Variants in NCOR2 observed in about 807,000 individuals in gnomAD.
NCOR2 encodes the protein CTG repeat protein 26.
Under a neutral mutation model 262.9 loss-of-function variants are expected in NCOR2, and 81 were observed. That is an observed-to-expected ratio of 0.31 (90% confidence interval 0.26 to 0.37). The LOEUF is 0.37. Among genes scored for constraint, NCOR2 ranks in the 10% least tolerant of loss-of-function variants. The pLI, the probability that NCOR2 is intolerant of heterozygous loss-of-function variation, is 1.00. For synonymous variants in NCOR2, 1,659 were observed against 1,559.3 expected (o/e 1.06, Z -1.51); for missense variants, 3,385 against 3,621.4 (o/e 0.93, Z 1.68).
intron 33 of NCOR2, among the ~76,000 whole-genome samples, chr12:124,342,530 C>A (rs192790588): frequency 6.6e-6 from 1 of 152,202 alleles, no homozygotes; most frequent in African/African-American, 2.4e-5. Flanking sequence ...CCACCACACC[C>A]GGCTAGTTTT....
chr12:124,344,655 G>C, exon 32 of NCOR2: 5 of 1,484,964 alleles, frequency 3.4e-6, no homozygotes, highest in Non-Finnish European at 4.5e-6. Context: ...GTGGGAGGTG[G>C]CCGGCAAAGG....
At chr12:124,501,038 C>T (rs1465303963) in intron 1 of NCOR2, among the ~76,000 whole-genome samples, 3 of 147,816 alleles carry the variant, frequency 2.0e-5, no homozygotes, top group Admixed American at 6.7e-5. Context: ...AGAGCGCCCA[C>T]GGCACGAGCG....
intron 4 of NCOR2, among the ~76,000 whole-genome samples, chr12:124,469,397 C>T (rs2046712432): frequency 6.6e-6 from 1 of 152,104 alleles, no homozygotes; most frequent in East Asian, 1.9e-4. Flanking sequence ...GTGGTCGCTT[C>T]AAGAAGGGCA....
At chr12:124,561,680 C>A (rs572622560) in intron 1 of NCOR2, among the ~76,000 whole-genome samples, 18 of 152,220 alleles carry the variant, frequency 1.2e-4, no homozygotes, top group African/African-American at 4.3e-4. Context: ...AAGGGGAAGA[C>A]CCTCCAGGAT....
rs529100330 is a variant in NCOR2 at position 124,561,441 on chromosome 12, C to T, written c.-165+5867G>A. ...AGGAGACTCCCCCAACAGCTTTGGG[C>T]AGTTTTAATACCCAATGCCCCACGT... On this transcript the variant is annotated intron_variant, in intron 1 of 32. Coordinates refer to the NCOR2 transcript ENST00000458234. Among the ~76,000 whole-genome samples, 17 of 152,338 alleles carry T rather than the reference C, an allele frequency of 1.1e-4. 1 individual carries two copies. In the South Asian group the frequency reaches 2.9e-3, roughly 26 times the overall value.
chr12:124,416,675 G>A (rs1329976943), intron 13 of NCOR2, among the ~76,000 whole-genome samples: 1 of 146,374 alleles, frequency 6.8e-6, no homozygotes, highest in Non-Finnish European at 1.5e-5. Flanking sequence ...AGCACAGGGA[G>A]ACCCGCGACA....
At chr12:124,395,089 G>A (rs1040519462) in intron 16 of NCOR2, among the ~76,000 whole-genome samples, 5 of 152,192 alleles carry the variant, frequency 3.3e-5, no homozygotes, top group African/African-American at 7.2e-5. Context: ...CAGGCTCCCC[G>A]AGGGAGGGGT....
intron 5 of NCOR2, among the ~76,000 whole-genome samples, 172 bp downstream of exon 7, chr12:124,466,001 T>G (rs1298372011): frequency 6.6e-6 from 1 of 152,142 alleles, no homozygotes; most frequent in African/African-American, 2.4e-5. Context: ...CAGGATGGCT[T>G]TCCACCGGTC....
intron 16 of NCOR2, chr12:124,388,787 C>T (rs1212595470): frequency 2.3e-6 from 3 of 1,301,346 alleles, no homozygotes; most frequent in South Asian, 1.2e-5. Context: ...GCTGGGCGGC[C>T]GCGGTCGGCT....
intron 15 of NCOR2, among the ~76,000 whole-genome samples, chr12:124,399,880 T>G (rs544961256): frequency 6.6e-6 from 1 of 152,176 alleles, no homozygotes; most frequent in Non-Finnish European, 1.5e-5. Flanking sequence ...TTTTTCTACT[T>G]TCTGGGAGGG....
intron 7 of NCOR2, among the ~76,000 whole-genome samples, chr12:124,445,502 C>A (rs537000997): frequency 5.1e-4 from 78 of 152,310 alleles, no homozygotes; most frequent in African/African-American, 1.9e-3. Context: ...TTTCACTCCG[C>A]GGCCCCAGCA....
chr12:124,332,794 G>C (rs1266559937), intron 42 of NCOR2, among the ~76,000 whole-genome samples: 1 of 152,118 alleles, frequency 6.6e-6, no homozygotes, highest in African/African-American at 2.4e-5. Flanking sequence ...AGCGGGCCCA[G>C]CTTCCTTCTC....
intron 1 of NCOR2, among the ~76,000 whole-genome samples, chr12:124,564,526 C>G (rs1183362923): frequency 7.1e-6 from 1 of 140,314 alleles, no homozygotes; most frequent in Non-Finnish European, 1.6e-5. Context: ...CGCCACCCCA[C>G]CCCCACCCCC....
chr12:124,401,658 G>A (rs955116607), intron 14 of NCOR2, among the ~76,000 whole-genome samples: 1 of 152,240 alleles, frequency 6.6e-6, no homozygotes, highest in South Asian at 2.1e-4. Flanking sequence ...TCACAACCTC[G>A]ATACCCGAGC....
chr12:124,348,746 A>G (rs192729844), intron 28 of NCOR2: 98 of 191,140 alleles, frequency 5.1e-4, no homozygotes, highest in Middle Eastern at 2.2e-3. Flanking sequence ...GCACACGTGC[A>G]CCGATACATC....
intron 16 of NCOR2, among the ~76,000 whole-genome samples, chr12:124,392,507 C>G (rs941206385): frequency 1.3e-5 from 2 of 152,088 alleles, no homozygotes. Flanking sequence ...TCACACAGCT[C>G]GAGTGTCGCC....
Position 124,326,522 on chromosome 12 carries a change from G to A in NCOR2, c.7184-152C>T, listed in dbSNP as rs551416988. On this transcript the variant is annotated intron_variant, in intron 45 of 46. Coordinates refer to ENST00000405201, the Ensembl canonical transcript of NCOR2. ...CGTGAACCCCTCCTCCCTGCTGCCCGCCCCAGCTGGGAAGCCAGGGTTGAC... is the reference window on the plus strand; with the variant it reads ...CGTGAACCCCTCCTCCCTGCTGCCCACCCCAGCTGGGAAGCCAGGGTTGAC... The A allele has an allele frequency of 1.8e-4, 136 of 751,812 alleles. 1 individual carries two copies. The South Asian group carries it at 3.7e-3, about 21-fold the overall frequency. The allele number at this position is 751,812 out of a possible 1,614,324, so 46.6% of individuals were successfully genotyped here. A position where few individuals can be genotyped will look rare whatever the true frequency, so the allele number is the denominator to read the frequency against.
At chr12:124,556,614 C>T (rs879911412) in intron 1 of NCOR2, among the ~76,000 whole-genome samples, 14 of 152,162 alleles carry the variant, frequency 9.2e-5, no homozygotes, top group South Asian at 4.1e-4. Flanking sequence ...AATCCCAGCA[C>T]TTTGGGAGGC....
rs377102162 is a variant in NCOR2, at chr12:124,479,211, C to T, written c.411+4385G>A. 2.4e-4 allele frequency among the ~76,000 whole-genome samples: 37 copies of T among 152,330 alleles called. No homozygotes were observed. The East Asian group carries it at 5.8e-3, about 24-fold the overall frequency. ...CCAAGGCTGGGCCCTGAGCTGCCTG[C>T]GCACAAACACATGCACACACACGTG... is the stretch of plus-strand genomic sequence containing the variant. On this transcript the variant is annotated intron_variant, in intron 3 of 46. Transcript: ENST00000405201.
Sources: gnomAD v4.1 joint callset for allele counts (sites outside exome capture counted in the v4.1 genomes callset) on GRCh38, gnomAD v4.1.1 for gene constraint, MANE v1.5 for transcripts, NCBI Gene and HGNC (gene_info 2026-07-23, HGNC 2026-07-21) for gene names.